HCN1: variants seen among roughly 807,000 people sequenced by gnomAD.
HCN1 encodes hyperpolarization activated cyclic nucleotide gated potassium channel 1.
A neutral mutation model predicts 78.9 loss-of-function variants in HCN1; 13 were observed. The ratio of observed to expected loss-of-function variants is 0.16; its 90% CI spans 0.11 to 0.26. HCN1 has a LOEUF of 0.26. Among genes scored for constraint, HCN1 ranks in the 10% least tolerant of loss-of-function variants. The pLI is 1.00. For synonymous variants in HCN1, 552 were observed against 455.5 expected (o/e 1.21, Z -2.70); for missense variants, 810 against 1,154.3 (o/e 0.70, Z 4.32).
rs554303711 is a variant in HCN1, at chr5:45,435,632, C to T, written c.1011+26214G>A. 4.6e-5 allele frequency among the ~76,000 whole-genome samples: 7 copies of T among 152,174 alleles called. No individual in the cohort carries two copies. In the South Asian group the frequency reaches 1.2e-3, roughly 27 times the overall value. ...GATTTACAAGAATACACTTGCCATA[C>T]ATAACACTTTATGAGATGGGGTGTG... On this transcript the variant is annotated intron_variant, in intron 3 of 7. Coordinates refer to ENST00000303230, the MANE Select transcript of HCN1 (RefSeq NM_021072.4).
At chr5:45,416,835 TAGG>T (rs899485102) in intron 3 of HCN1, among the ~76,000 whole-genome samples, 1 of 151,872 alleles carries the variant, frequency 6.6e-6, no homozygotes, top group African/African-American at 2.4e-5. Context: ...TTTGGAAAAA[TAGG>T]AGACACTGAA....
At chr5:45,609,884 T>C (rs987922920) in intron 2 of HCN1, among the ~76,000 whole-genome samples, 1 of 152,114 alleles carries the variant, frequency 6.6e-6, no homozygotes, top group Non-Finnish European at 1.5e-5. Context: ...CCTGATGAAA[T>C]GGCATGGCTC....
intron 1 of HCN1, among the ~76,000 whole-genome samples, chr5:45,650,605 A>G (rs1215126676): frequency 1.3e-5 from 2 of 152,044 alleles, no homozygotes; most frequent in Admixed American, 1.3e-4. Context: ...AGAATAGGCT[A>G]AATAAAATAT....
intron 3 of HCN1, among the ~76,000 whole-genome samples, chr5:45,441,148 T>C (rs542929520): frequency 6.6e-6 from 1 of 152,316 alleles, no homozygotes; most frequent in Non-Finnish European, 1.5e-5. Context: ...GGTTACAGTA[T>C]TCTGTTTCCT....
intron 6 of HCN1, among the ~76,000 whole-genome samples, chr5:45,279,852 A>C (rs112473727): frequency 0.01 from 1,526 of 152,228 alleles, 22 homozygotes; most frequent in African/African-American, 0.034. Flanking sequence ...AATTTCTTAA[A>C]ATTATCAAAT....
rs1029945758 is a variant in HCN1, at chr5:45,352,548, T to C, written c.1377+552A>G. Among the ~76,000 whole-genome samples, 6 of 151,802 alleles carry C rather than the reference T, an allele frequency of 4.0e-5. No homozygotes were observed. The South Asian group carries it at 1.2e-3, about 31-fold the overall frequency. Reference sequence around the variant, plus strand: ...ATAATAATAAAATAAAATAAAGAAATATGAATAACCAAGAGCAAGTTATTT... The same window carrying C: ...ATAATAATAAAATAAAATAAAGAAACATGAATAACCAAGAGCAAGTTATTT... On this transcript the variant is annotated intron_variant, in intron 5 of 7. Coordinates refer to ENST00000303230, the MANE Select transcript of HCN1 (RefSeq NM_021072.4).
chr5:45,493,568 T>A (rs937503044), intron 2 of HCN1, among the ~76,000 whole-genome samples: 2 of 151,972 alleles, frequency 1.3e-5, no homozygotes, highest in Admixed American at 6.6e-5. Flanking sequence ...TGTATTTCAA[T>A]TGTGTTTCTT....
intron 3 of HCN1, among the ~76,000 whole-genome samples, chr5:45,447,975 G>A (rs1740834410): frequency 6.6e-6 from 1 of 151,652 alleles, no homozygotes; most frequent in South Asian, 2.1e-4. Context: ...CAACACAAAA[G>A]AGAACATTTT....
At chr5:45,364,133 C>T (rs951755208) in intron 4 of HCN1, among the ~76,000 whole-genome samples, 2 of 152,054 alleles carry the variant, frequency 1.3e-5, no homozygotes, top group Non-Finnish European at 2.9e-5. Flanking sequence ...CGTGTTTCTT[C>T]TTTGGCTGCT....
At chr5:45,430,955 T>C (rs1740450841) in intron 3 of HCN1, among the ~76,000 whole-genome samples, 1 of 152,248 alleles carries the variant, frequency 6.6e-6, no homozygotes, top group South Asian at 2.1e-4. Flanking sequence ...CCTTTGGGTA[T>C]ATACCCAATA....
intron 6 of HCN1, among the ~76,000 whole-genome samples, chr5:45,271,803 G>A (rs985902034): frequency 6.6e-6 from 1 of 152,022 alleles, no homozygotes; most frequent in Non-Finnish European, 1.5e-5. Flanking sequence ...CCCCTACGGA[G>A]CAACTAAGGG....
intron 4 of HCN1, among the ~76,000 whole-genome samples, chr5:45,360,098 T>C (rs896017142): frequency 1.3e-5 from 2 of 151,262 alleles, no homozygotes; most frequent in South Asian, 4.1e-4. Context: ...ATAGTAATTA[T>C]TAGAAATATC....
In HCN1 at chr5:45,255,989, T is replaced by A. The variant is rs1744603568; in HGVS notation, c.*5932A>T. 6.6e-6 allele frequency: 1 copy of A among 152,192 alleles called. No homozygotes were observed. 9.4% of individuals were successfully genotyped at this position (152,192 alleles called of 1,614,324 possible). A position where few individuals can be genotyped will look rare whatever the true frequency, so the allele number is the denominator to read the frequency against. On this transcript the variant is annotated 3_prime_UTR_variant, in exon 8 of 8. Transcript: ENST00000303230. ...AAGTGGTCCTCTTTTGAAGAATTAT[T>A]ATATTTACTAATTTATTCAGATTTC...
In HCN1 at chr5:45,597,317, A is replaced by C. The variant is rs985558387; in HGVS notation, c.849+47868T>G. Among the ~76,000 whole-genome samples, 9 of 152,276 alleles carry C rather than the reference A, an allele frequency of 5.9e-5. No individual in the cohort carries two copies. The East Asian group carries it at 1.7e-3, about 29-fold the overall frequency. ...ACGTAAACAGATCCAAAGACAAAAA[A>C]CACATGATTATCTCAATAGATGCAG... On this transcript the variant is annotated intron_variant, in intron 2 of 7. Coordinates refer to ENST00000303230, the MANE Select transcript of HCN1 (RefSeq NM_021072.4).
intron 2 of HCN1, among the ~76,000 whole-genome samples, chr5:45,619,644 G>GA (rs1000128920): frequency 1.5e-4 from 22 of 151,498 alleles, no homozygotes; most frequent in African/African-American, 4.6e-4. Context: ...GAGGGAGATA[G>GA]AAAAAAAATC....
At chr5:45,666,636 T>C (rs554047282) in intron 1 of HCN1, among the ~76,000 whole-genome samples, 2 of 152,124 alleles carry the variant, frequency 1.3e-5, no homozygotes, top group South Asian at 4.1e-4. Context: ...TTTTTAAAGG[T>C]TTATTTCTCC....
At chr5:45,589,487 T>C (rs1168102624) in intron 2 of HCN1, among the ~76,000 whole-genome samples, 1 of 152,204 alleles carries the variant, frequency 6.6e-6, no homozygotes, top group Non-Finnish European at 1.5e-5. Context: ...GTGTGGAGAA[T>C]TGACTCTGTT....
At chr5:45,623,696 T>C (rs1014280073) in intron 2 of HCN1, among the ~76,000 whole-genome samples, 1 of 152,188 alleles carries the variant, frequency 6.6e-6, no homozygotes, top group African/African-American at 2.4e-5. Context: ...TCCTTTACGT[T>C]GTTTTAGGCA....
chr5:45,344,211 G>A (rs1421328964), intron 5 of HCN1, among the ~76,000 whole-genome samples: 1 of 152,080 alleles, frequency 6.6e-6, no homozygotes, highest in Non-Finnish European at 1.5e-5. Flanking sequence ...ACTATCACAA[G>A]AATAGCAGCA....
Sources: allele counts gnomAD v4.1 joint callset (sites outside exome capture counted in the v4.1 genomes callset), GRCh38; gene constraint gnomAD v4.1.1; transcripts MANE v1.5; gene names NCBI Gene and HGNC (gene_info 2026-07-23, HGNC 2026-07-21).